MAP2: variants seen among roughly 807,000 people sequenced by gnomAD.
The protein encoded by MAP2 is microtubule associated protein 2.
MAP2 carries 14 observed loss-of-function variants against 137.6 expected under a neutral mutation model. The observed-to-expected ratio is 0.10, with a 90% CI of 0.07 to 0.16. The LOEUF is 0.16. MAP2 is among the 10% of genes least tolerant of loss of function. MAP2 has a pLI of 1.00. For missense variants in MAP2, 2,088 were observed against 2,191.5 expected (o/e 0.95, Z 0.94); for synonymous variants, 786 against 782.3 (o/e 1.00, Z -0.08).
intron 5 of MAP2, among the ~76,000 whole-genome samples, chr2:209,663,503 A>G (rs1319007715): frequency 2.0e-5 from 3 of 152,192 alleles, no homozygotes; most frequent in South Asian, 4.1e-4. Flanking sequence ...GAAGGGGAAA[A>G]CATATGTCAT....
chr2:209,472,074 T>C (rs141728597), intron 1 of MAP2, among the ~76,000 whole-genome samples: 1,631 of 152,272 alleles, frequency 0.011, 30 homozygotes, highest in African/African-American at 0.038. Context: ...CATGTAACTA[T>C]TGATTTTTTT....
intron 2 of MAP2, among the ~76,000 whole-genome samples, chr2:209,554,449 A>T (rs533434006): frequency 7.2e-5 from 11 of 152,326 alleles, no homozygotes; most frequent in African/African-American, 2.6e-4. Context: ...ATGCTGCCAC[A>T]GTAGGCTGCT....
rs541117574 is a variant in MAP2, at chr2:209,709,149, T to C, written c.4733-765T>C. On this transcript the variant is annotated intron_variant, in intron 12 of 15. Transcript: ENST00000682079. ...CAGATCCTGTATAATTAATGTGGTTTTGGATTTAACTCTAAACTGCCAAGC... is the reference window on the plus strand; with the variant it reads ...CAGATCCTGTATAATTAATGTGGTTCTGGATTTAACTCTAAACTGCCAAGC... Among the ~76,000 whole-genome samples, 3 of 152,226 alleles carry C rather than the reference T, an allele frequency of 2.0e-5. No homozygotes were observed. In the East Asian group the frequency reaches 5.8e-4, roughly 29 times the overall value.
chr2:209,556,662 T>TA lies in MAP2; in HGVS notation c.-171-23355dup, dbSNP rs111264428. Among the ~76,000 whole-genome samples, 455 of 108,436 alleles carry TA rather than the reference T, an allele frequency of 4.2e-3. 1 individual carries two copies. The highest frequency in any genetic ancestry group is 0.013 in the South Asian group (44 of 3,364). 71.1% of individuals were successfully genotyped at this position (108,436 alleles called of 152,430 possible). On this transcript the variant is annotated intron_variant, in intron 2 of 15. Coordinates refer to ENST00000682079, the MANE Select transcript of MAP2 (RefSeq NM_001375505.1). ...ATACTGGCAACATAATCTGGCCTATTAAAAAAAAAAAAAAAAAAAGGATTA... is the reference window on the plus strand; with the variant it reads ...ATACTGGCAACATAATCTGGCCTATTAAAAAAAAAAAAAAAAAAAAGGATTA...
At chr2:209,546,639 G>T (rs1254034198) in intron 2 of MAP2, among the ~76,000 whole-genome samples, 1 of 152,218 alleles carries the variant, frequency 6.6e-6, no homozygotes, top group East Asian at 1.9e-4. Flanking sequence ...TTCAGGCACA[G>T]ATCCTGGGAC....
intron 3 of MAP2, among the ~76,000 whole-genome samples, chr2:209,581,669 T>C (rs995322946): frequency 1.3e-5 from 2 of 152,186 alleles, no homozygotes; most frequent in Non-Finnish European, 2.9e-5. Context: ...TATTTCCTAA[T>C]CTTCAGACTC....
chr2:209,443,020 T>A (rs1698199629), intron 1 of MAP2, among the ~76,000 whole-genome samples: 2 of 151,628 alleles, frequency 1.3e-5, no homozygotes, highest in Admixed American at 1.3e-4. Flanking sequence ...CTTTCTTATC[T>A]GCATATTTAA....
intron 12 of MAP2, among the ~76,000 whole-genome samples, chr2:209,706,956 T>C (rs1447605136): frequency 6.6e-6 from 1 of 152,126 alleles, no homozygotes; most frequent in Non-Finnish European, 1.5e-5. Context: ...TCTTTTATCA[T>C]AGCAAAAATA....
intron 1 of MAP2, among the ~76,000 whole-genome samples, chr2:209,504,669 C>G (rs1009588180): frequency 6.6e-6 from 1 of 152,068 alleles, no homozygotes; most frequent in African/African-American, 2.4e-5. Context: ...AAACATGTAA[C>G]GTAAAATTTA....
chr2:209,611,883 A>G (rs2087005966), intron 3 of MAP2, among the ~76,000 whole-genome samples: 1 of 152,220 alleles, frequency 6.6e-6, no homozygotes, highest in Non-Finnish European at 1.5e-5. Flanking sequence ...ACAATTTAAC[A>G]AGCAGGGAGT....
chr2:209,527,595 T>C (rs1298275997), intron 2 of MAP2, among the ~76,000 whole-genome samples: 2 of 152,182 alleles, frequency 1.3e-5, no homozygotes, highest in Non-Finnish European at 2.9e-5. Flanking sequence ...CCATCTCTTA[T>C]GGATCTTTCT....
At chr2:209,546,777 G>A (rs2068159679) in intron 2 of MAP2, among the ~76,000 whole-genome samples, 1 of 152,158 alleles carries the variant, frequency 6.6e-6, no homozygotes, top group Non-Finnish European at 1.5e-5. Context: ...CCAAAACCAT[G>A]TGGTTATTCT....
chr2:209,674,020 C>T (rs1263249353), intron 5 of MAP2, among the ~76,000 whole-genome samples: 1 of 151,618 alleles, frequency 6.6e-6, no homozygotes, highest in Non-Finnish European at 1.5e-5. Flanking sequence ...AGATGGTAGC[C>T]CAGGACCTAT....
chr2:209,488,885 C>G (rs544640453), intron 1 of MAP2, among the ~76,000 whole-genome samples: 1 of 152,322 alleles, frequency 6.6e-6, no homozygotes, highest in East Asian at 1.9e-4. Flanking sequence ...AACGTTCCTG[C>G]CTGCCAGCTC....
chr2:209,724,683 T>C (rs2073139745), intron 13 of MAP2, among the ~76,000 whole-genome samples: 1 of 152,194 alleles, frequency 6.6e-6, no homozygotes, highest in Non-Finnish European at 1.5e-5. Flanking sequence ...GTCATTGTCA[T>C]TGAAAGTTCA....
intron 1 of MAP2, among the ~76,000 whole-genome samples, chr2:209,429,129 A>G (rs1270762640): frequency 6.6e-6 from 1 of 151,388 alleles, no homozygotes; most frequent in African/African-American, 2.4e-5. Flanking sequence ...AATTTTTTGT[A>G]TTTTTAGTAG....
intron 3 of MAP2, among the ~76,000 whole-genome samples, chr2:209,587,058 A>G (rs996657949): frequency 6.6e-6 from 1 of 152,160 alleles, no homozygotes; most frequent in Non-Finnish European, 1.5e-5. Context: ...TTATTATGCC[A>G]TATAATGAAT....
At chr2:209,631,005 CAAAAAAAAAAAAAAAA>C (rs776266690) in intron 4 of MAP2, among the ~76,000 whole-genome samples, 9 of 42,138 alleles carry the variant, frequency 2.1e-4, no homozygotes, top group East Asian at 1.1e-3. Context: ...GAGCTACAAG[CAAAAAAAAAAAAAAAA>C]AAAAAAAAAA....
chr2:209,562,415 G>A (rs529952459), intron 2 of MAP2, among the ~76,000 whole-genome samples: 3 of 151,642 alleles, frequency 2.0e-5, no homozygotes, highest in East Asian at 3.9e-4. Flanking sequence ...AGCTAATGCA[G>A]GTTAGGCACG....
Sources: gnomAD v4.1 joint callset for allele counts (sites outside exome capture counted in the v4.1 genomes callset) on GRCh38, gnomAD v4.1.1 for gene constraint, MANE v1.5 for transcripts, NCBI Gene and HGNC (gene_info 2026-07-23, HGNC 2026-07-21) for gene names.